GUK1: variants seen among roughly 807,000 people sequenced by gnomAD.
The protein encoded by GUK1 is guanylate kinase 1, also known as guanylate kinase.
A neutral mutation model predicts 25.2 loss-of-function variants in GUK1; 18 were observed. The observed-to-expected ratio is 0.71, with a 90% CI of 0.49 to 1.06. The LOEUF is 1.06. GUK1 is among the 50% of genes least tolerant of loss of function. The pLI is 0.00. For missense variants in GUK1, 261 were observed against 276.7 expected (o/e 0.94, Z 0.40); for synonymous variants, 105 against 117.6 (o/e 0.89, Z 0.69).
intron 2 of GUK1, chr1:228,144,667 G>A (rs1401092841): frequency 5.2e-6 from 5 of 961,680 alleles, no homozygotes; most frequent in African/African-American, 1.8e-5. Context: ...GGCGTAGTGG[G>A]GATTAGGGAC....
At chr1:228,141,556 C>G in intron 2 of GUK1, 4 of 832,438 alleles carry the variant, frequency 4.8e-6, no homozygotes, top group Non-Finnish European at 6.0e-6. Context: ...TCTCGGTTCT[C>G]AGAAGGTCAA....
intron 8 of GUK1, 84 bp from the exon 8 acceptor site, chr1:228,148,581 C>T (rs763261614): frequency 5.0e-6 from 7 of 1,407,460 alleles, no homozygotes; most frequent in Admixed American, 3.6e-5. Context: ...CATGAGACAC[C>T]GAGGTCCACG....
At chr1:228,140,229 G>T, upstream of GUK1, 1 of 1,280,490 alleles carries the variant, frequency 7.8e-7, no homozygotes, top group Non-Finnish European at 1.1e-6. Flanking sequence ...CATGACGTCA[G>T]TCTCGCGCGC....
At chr1:228,145,236 TG>T (rs2034300354) in intron 2 of GUK1, 1 of 260,702 alleles carries the variant, frequency 3.8e-6, no homozygotes. Context: ...GGGTTTCAGT[TG>T]GGGGGCTCCC....
intron 8 of GUK1, 60 bp from the exon 8 acceptor site, chr1:228,148,605 A>G (rs2034538815): frequency 1.3e-6 from 2 of 1,490,696 alleles, no homozygotes; most frequent in Admixed American, 3.4e-5. Context: ...GAGGGAGAGC[A>G]GGAAGCCCAG....
At chr1:228,148,532 C>A in intron 8 of GUK1, 76 bp downstream of exon 7, 3 of 1,384,814 alleles carry the variant, frequency 2.2e-6, no homozygotes, top group Non-Finnish European at 3.0e-6. Context: ...GTCCATGAGG[C>A]CACTGAGGTT....
At position 228,140,461 on chromosome 1, in the gene GUK1, C is replaced by T. The variant is rs931010334; in HGVS notation, c.-168+98C>T. 91 of 863,240 alleles carry T rather than the reference C, an allele frequency of 1.1e-4. No homozygotes were observed. The Middle Eastern group carries it at 1.8e-3, about 17-fold the overall frequency. The allele number at this position is 863,240 out of a possible 1,614,324, so 53.5% of individuals were successfully genotyped here. A position where few individuals can be genotyped will look rare whatever the true frequency, so the allele number is the denominator to read the frequency against. ...CCAGTCCACGCCGCCTCCGGATCTCCTCCTAGCCGAGACGCCCTGTGCCGC... is the reference window on the plus strand; with the variant it reads ...CCAGTCCACGCCGCCTCCGGATCTCTTCCTAGCCGAGACGCCCTGTGCCGC... On this transcript the variant is annotated intron_variant, in intron 1 of 8. Transcript: ENST00000312726.
Position 228,147,613 on chromosome 1 carries a change from A to G in GUK1, c.391-2A>G, listed in dbSNP as rs955712851. 5.6e-6 allele frequency: 9 copies of G among 1,612,994 alleles called. No individual in the cohort carries two copies. In the Admixed American group the frequency reaches 8.3e-5, roughly 15 times the overall value. ...AGGCTCTGATTGCCACCCCCTTTTT[A>G]GGAGCAGCGGCTGCGGCAGCGCAAC... On this transcript the variant is annotated splice_acceptor_variant, in intron 6 of 8. Transcript: ENST00000312726. LOFTEE classifies it high-confidence loss of function.
intron 5 of GUK1, 145 bp downstream of exon 4, chr1:228,147,083 A>C: frequency 1.5e-6 from 1 of 677,928 alleles, no homozygotes; most frequent in Non-Finnish European, 2.7e-6. Context: ...CCAGGCTCCC[A>C]CGTCTGTGGC....
intron 2 of GUK1, chr1:228,144,350 AG>A (rs1311626053): frequency 6.6e-6 from 1 of 152,198 alleles, no homozygotes; most frequent in Admixed American, 6.5e-5. Context: ...GTTGTGTCCA[AG>A]GTGTGCGTGT....
chr1:228,146,076 G>A lies in GUK1; in HGVS notation c.154+9G>A, dbSNP rs1268162317. ...CGAGGAGAACGGCAAAGGTGAGTGG[G>A]GTGGGGCCCTATGGCTGGAGCACCC... is the stretch of plus-strand genomic sequence containing the variant. On this transcript the variant is annotated intron_variant, in intron 4 of 8. Coordinates refer to ENST00000312726, the MANE Select transcript of GUK1 (RefSeq NM_000858.7). 2 of 1,601,324 alleles carry A rather than the reference G, an allele frequency of 1.2e-6. No individual in the cohort carries two copies. Among genetic ancestry groups the A allele is most frequent in the Admixed American group, 1.7e-5 (1 of 59,980 alleles).
At chr1:228,145,877 C>T (rs764431259) in intron 3 of GUK1, 149 bp from the exon 3 acceptor site, 12 of 731,810 alleles carry the variant, frequency 1.6e-5, no homozygotes, top group East Asian at 2.6e-5. Flanking sequence ...GGAGAACCCT[C>T]GCCTTGTAGG....
chr1:228,140,412 G>A, intron 1 of GUK1, 49 bp downstream of exon 1: 1 of 1,332,124 alleles, frequency 7.5e-7, no homozygotes, highest in Non-Finnish European at 1.0e-6. Flanking sequence ...CGAGGCGGCA[G>A]CGGTCCCTGC....
chr1:228,146,575 A>C (rs1246560812), intron 4 of GUK1: 5 of 507,634 alleles, frequency 9.8e-6, no homozygotes, highest in African/African-American at 2.0e-5. Flanking sequence ...TCCAGTCCCC[A>C]CCCCATCACC....
At chr1:228,147,244 G>A (rs2034431802) in intron 5 of GUK1, among the ~76,000 whole-genome samples, 162 bp from the exon 5 acceptor site, 1 of 152,216 alleles carries the variant, frequency 6.6e-6, no homozygotes, top group Non-Finnish European at 1.5e-5. Context: ...GGCAGGGCGT[G>A]GGGGTAGCAG....
intron 2 of GUK1, among the ~76,000 whole-genome samples, chr1:228,142,877 C>T (rs574140988): frequency 5.3e-4 from 80 of 151,868 alleles, no homozygotes; most frequent in African/African-American, 1.9e-3. Flanking sequence ...GGCTCTCCCC[C>T]TTCTGAGGAC....
At chr1:228,144,634 T>G in intron 2 of GUK1, 1 of 749,760 alleles carries the variant, frequency 1.3e-6, no homozygotes, top group Non-Finnish European at 1.6e-6. Flanking sequence ...TATTCGTGGC[T>G]TAGAAGGGTG....
chr1:228,148,888 C>G lies in GUK1; in HGVS notation c.*191C>G, dbSNP rs770979116. ...AGCCTCGCTGGGCTGTCCCCTGTCC[C>G]TATCTCTCACTCTGGACCCAGGGCT... On this transcript the variant is annotated 3_prime_UTR_variant, in exon 9 of 9. Transcript: ENST00000312726. 7.1e-7 allele frequency: 1 copy of G among 1,409,100 alleles called. No individual in the cohort carries two copies. Among genetic ancestry groups the G allele is most frequent in the Non-Finnish European group, 9.7e-7 (1 of 1,030,628 alleles). The allele number at this position is 1,409,100 out of a possible 1,614,324, so 87.3% of individuals were successfully genotyped here.
chr1:228,145,787 C>T, intron 3 of GUK1, 163 bp downstream of exon 2: 1 of 839,830 alleles, frequency 1.2e-6, no homozygotes, highest in Non-Finnish European at 1.9e-6. Flanking sequence ...GGTTATCACA[C>T]TCCTGCTGTC....
Sources: allele counts gnomAD v4.1 joint callset (sites outside exome capture counted in the v4.1 genomes callset), GRCh38; gene constraint gnomAD v4.1.1; transcripts MANE v1.5; gene names NCBI Gene and HGNC (gene_info 2026-07-23, HGNC 2026-07-21).